ZNRF3: variants seen among roughly 807,000 people sequenced by gnomAD.
ZNRF3 encodes E3 ubiquitin-protein ligase ZNRF3.
Under a neutral mutation model 72.5 loss-of-function variants are expected in ZNRF3, and 23 were observed. The ratio of observed to expected loss-of-function variants is 0.32; its 90% CI spans 0.23 to 0.45. The LOEUF is 0.45. Among genes scored for constraint, ZNRF3 ranks in the 20% least tolerant of loss-of-function variants. ZNRF3 has a pLI of 1.00. For synonymous variants in ZNRF3, 610 were observed against 545.3 expected (o/e 1.12, Z -1.65); for missense variants, 1,169 against 1,272.1 (o/e 0.92, Z 1.23).
chr22:28,884,137 C>T (rs2033720783), intron 1 of ZNRF3, 71 bp downstream of exon 1: 9 of 1,030,704 alleles, frequency 8.7e-6, no homozygotes, highest in Non-Finnish European at 5.8e-6. Context: ...GCCCGCCGAC[C>T]CCGCCGCGGG....
At position 28,928,775 on chromosome 22, in the gene ZNRF3, C is replaced by A. The variant is rs183468071; in HGVS notation, c.300+44709C>A. ...CCTCCCAAAGTGCTGGGATTACAGG[C>A]GTGAGCCACCGCGCCCGGCCCAGAA... is the stretch of plus-strand genomic sequence containing the variant. On this transcript the variant is annotated intron_variant, in intron 1 of 8. Transcript: ENST00000544604. 6.8e-3 allele frequency among the ~76,000 whole-genome samples: 1,031 copies of A among 152,140 alleles called. 6 individuals are homozygous for A. The highest frequency in any genetic ancestry group is 9.9e-3 in the Non-Finnish European group (672 of 67,998).
chr22:29,018,135 A>G, intron 2 of ZNRF3: 1 of 489,818 alleles, frequency 2.0e-6, no homozygotes, highest in Non-Finnish European at 4.1e-6. Context: ...AGTCTTGAAC[A>G]TTATAAGGAA....
In ZNRF3 at chr22:28,982,430, C is replaced by T. The variant is rs1347256305; in HGVS notation, c.301-4646C>T. On this transcript the variant is annotated intron_variant, in intron 1 of 8. Transcript: ENST00000544604. Reference sequence around the variant, plus strand: ...CTGGGCGACATTGTGAGACCTGTCTCTACAAAAAAAAAAAAAAAAAAAAAA... The same window carrying T: ...CTGGGCGACATTGTGAGACCTGTCTTTACAAAAAAAAAAAAAAAAAAAAAA... Among the ~76,000 whole-genome samples, 8 of 83,122 alleles carry T rather than the reference C, an allele frequency of 9.6e-5. 1 individual carries two copies. The highest frequency in any genetic ancestry group is 9.1e-4 in the South Asian group (2 of 2,196). The allele number at this position is 83,122 out of a possible 152,430, so 54.5% of individuals were successfully genotyped here.
At chr22:28,943,046 G>A (rs1348441335) in intron 1 of ZNRF3, among the ~76,000 whole-genome samples, 2 of 152,170 alleles carry the variant, frequency 1.3e-5, no homozygotes, top group Non-Finnish European at 2.9e-5. Flanking sequence ...CACTTAAAAG[G>A]TATGTTCAGA....
chr22:29,047,589 C>T (rs1450767270), intron 6 of ZNRF3, among the ~76,000 whole-genome samples: 2 of 152,172 alleles, frequency 1.3e-5, no homozygotes, highest in African/African-American at 2.4e-5. Context: ...CAAGTGACTT[C>T]GTTTTCTTGT....
intron 2 of ZNRF3, among the ~76,000 whole-genome samples, chr22:28,993,478 A>G (rs1451472581): frequency 6.6e-6 from 1 of 152,138 alleles, no homozygotes; most frequent in Admixed American, 6.5e-5. Context: ...ATTGAACCAT[A>G]TGGTCAGCCC....
At chr22:28,937,297 G>A (rs1464670539) in intron 1 of ZNRF3, among the ~76,000 whole-genome samples, 2 of 147,548 alleles carry the variant, frequency 1.4e-5, no homozygotes, top group African/African-American at 5.2e-5. Flanking sequence ...TATCACTGTA[G>A]GGATCCCAGA....
rs1287788118 is a variant in ZNRF3, at chr22:29,057,478, A to G, written c.*3856A>G. ...GTAAAAAAAAAATACAATTTTATCA[A>G]GTATGTGTTATATGTTGTCATTGGT... On this transcript the variant is annotated 3_prime_UTR_variant, in exon 9 of 9. Transcript: ENST00000544604. The G allele has an allele frequency of 6.6e-6, 1 of 152,214 alleles. No homozygotes were observed. The highest frequency in any genetic ancestry group is 2.4e-5 in the African/African-American group (1 of 41,458). 9.4% of individuals were successfully genotyped at this position (152,214 alleles called of 1,614,324 possible).
chr22:29,032,426 G>A (rs1268004481), intron 2 of ZNRF3, among the ~76,000 whole-genome samples: 1 of 152,176 alleles, frequency 6.6e-6, no homozygotes, highest in African/African-American at 2.4e-5. Context: ...CACTTTTAGT[G>A]CCTGGGGTCA....
chr22:28,941,886 C>T (rs1423508298), intron 1 of ZNRF3, among the ~76,000 whole-genome samples: 1 of 152,062 alleles, frequency 6.6e-6, no homozygotes, highest in Admixed American at 6.5e-5. Flanking sequence ...ACCCGGGAGG[C>T]GGAGGTCGCA....
At chr22:28,923,999 C>T (rs901934915) in intron 1 of ZNRF3, among the ~76,000 whole-genome samples, 6 of 152,246 alleles carry the variant, frequency 3.9e-5, no homozygotes, top group African/African-American at 9.6e-5. Flanking sequence ...GGCTTTGCCC[C>T]GGGCGGGAAC....
intron 1 of ZNRF3, among the ~76,000 whole-genome samples, chr22:28,913,092 T>G (rs1251403196): frequency 6.6e-6 from 1 of 152,236 alleles, no homozygotes; most frequent in Non-Finnish European, 1.5e-5. Context: ...TATACTTTCT[T>G]AAGCCAATTG....
intron 2 of ZNRF3, among the ~76,000 whole-genome samples, chr22:29,029,766 G>A (rs1182718550): frequency 6.6e-6 from 1 of 152,156 alleles, no homozygotes; most frequent in East Asian, 1.9e-4. Flanking sequence ...AAGCATAGCT[G>A]CCCCTGTGAG....
At chr22:28,972,759 C>T (rs1178506915) in intron 1 of ZNRF3, among the ~76,000 whole-genome samples, 1 of 152,202 alleles carries the variant, frequency 6.6e-6, no homozygotes, top group Non-Finnish European at 1.5e-5. Flanking sequence ...ATTCCACATT[C>T]TAGCCAACAC....
rs1256291503 is a variant in ZNRF3, at chr22:29,049,932, C to G, written c.1751C>G (p.Ser584Cys). Residue 584 changes from serine (S) to cysteine (C), a missense_variant, in exon 8 of 9, where the codon TCC becomes TGC. Ser to Cys is a moderately radical substitution (Grantham distance 112). Coordinates refer to ENST00000544604, the MANE Select transcript of ZNRF3 (RefSeq NM_001206998.2). The surrounding 1 kb of genome is among the most constrained non-coding windows in gnomAD (Gnocchi z 5.2). ...AACCAGGGCGTGTACGGGAGCTGCT[C>G]CACCTTCCGCAGCTCCCTCAGCAGC... Reference protein sequence around the residue: ...VSNQGVYGSCSTFRSSLSSDY... With the variant: ...VSNQGVYGSCCTFRSSLSSDY... 6.2e-7 allele frequency: 1 copy of G among 1,609,382 alleles called. No individual in the cohort carries two copies. Among genetic ancestry groups the G allele is most frequent in the Non-Finnish European group, 8.5e-7 (1 of 1,178,250 alleles).
intron 1 of ZNRF3, among the ~76,000 whole-genome samples, chr22:28,970,986 T>C (rs2035564641): frequency 6.6e-6 from 1 of 152,182 alleles, no homozygotes; most frequent in African/African-American, 2.4e-5. Flanking sequence ...CACATTGTTA[T>C]CAGTAAATGA....
chr22:29,030,650 T>G lies in ZNRF3; in HGVS notation c.427-11845T>G, dbSNP rs2036728655. On this transcript the variant is annotated intron_variant, in intron 2 of 8. Transcript: ENST00000544604. This position sits in a 1 kb window ranked among gnomAD's most constrained non-coding sequence, Gnocchi z 4.2. ...GTGGCGAGGAGGGCACTTTCCCGGG[T>G]CGGAGAAGGCCGGATGGCAGCCCGC... 7.0e-6 allele frequency among the ~76,000 whole-genome samples: 1 copy of G among 143,590 alleles called. No individual in the cohort carries two copies. The highest frequency in any genetic ancestry group is 2.6e-5 in the African/African-American group (1 of 38,186). The allele number at this position is 143,590 out of a possible 152,430, so 94.2% of individuals were successfully genotyped here.
chr22:29,017,624 G>A (rs921360435), intron 2 of ZNRF3, among the ~76,000 whole-genome samples: 1 of 152,030 alleles, frequency 6.6e-6, no homozygotes, highest in African/African-American at 2.4e-5. Flanking sequence ...GACCAATTTA[G>A]GGTGACCATA....
chr22:29,004,596 T>A lies in ZNRF3; in HGVS notation c.426+17395T>A, dbSNP rs1362223919. Among the ~76,000 whole-genome samples the A allele has an allele frequency of 3.9e-5, 6 of 152,330 alleles. No individual in the cohort carries two copies. In the South Asian group the frequency reaches 6.2e-4, roughly 16 times the overall value. ...AAGGAGCTCTGACCAGCTAGTGGCA[T>A]GTCTCCTTTCAAGCTGTGCTTTGTG... On this transcript the variant is annotated intron_variant, in intron 2 of 8. Coordinates refer to ENST00000544604, the MANE Select transcript of ZNRF3 (RefSeq NM_001206998.2).
Sources: allele counts gnomAD v4.1 joint callset (sites outside exome capture counted in the v4.1 genomes callset), GRCh38; gene constraint gnomAD v4.1.1; non-coding constraint Gnocchi (gnomAD v3.1); transcripts MANE v1.5; gene names NCBI Gene and HGNC (gene_info 2026-07-23, HGNC 2026-07-21).